The following GRID2 variants were observed in gnomAD, a reference collection of about 807,000 sequenced individuals.
GRID2 encodes the protein glutamate ionotropic receptor delta type subunit 2.
GRID2 carries 33 observed loss-of-function variants against 114.8 expected under a neutral mutation model. The observed-to-expected ratio is 0.29, with a 90% CI of 0.22 to 0.38. The LOEUF is 0.38. GRID2 is among the 10% of genes least tolerant of loss of function. GRID2 has a pLI of 1.00. For synonymous variants in GRID2, 505 were observed against 449.9 expected, an observed-to-expected ratio of 1.12 and a Z score of -1.55; for missense variants, 1,184 against 1,257.7, an observed-to-expected ratio of 0.94 and a Z score of 0.89.
chr4:93,567,647 T>C (rs1239902412), intron 13 of GRID2, among the ~76,000 whole-genome samples: 1 of 152,148 alleles, frequency 6.6e-6, no homozygotes, highest in East Asian at 1.9e-4. Context: ...GGCACAAATT[T>C]AACAGACATA....
chr4:93,172,266 G>A (rs778793894), intron 4 of GRID2, among the ~76,000 whole-genome samples: 4 of 152,130 alleles, frequency 2.6e-5, no homozygotes, highest in Non-Finnish European at 4.4e-5. Context: ...GAAGCTGTCA[G>A]GTTGGGAACA....
intron 2 of GRID2, among the ~76,000 whole-genome samples, chr4:92,977,107 A>T (rs1020656243): frequency 2.0e-5 from 3 of 152,180 alleles, no homozygotes; most frequent in Non-Finnish European, 2.9e-5. Context: ...ATCTATTATT[A>T]CAAGAATCAG....
intron 1 of GRID2, among the ~76,000 whole-genome samples, chr4:92,494,830 G>A (rs933941830): frequency 3.3e-5 from 5 of 151,936 alleles, no homozygotes; most frequent in Non-Finnish European, 7.4e-5. Flanking sequence ...TGGTGCAAAA[G>A]TCATTGTGGT....
In GRID2 at chr4:93,170,723, C is replaced by T. The variant is rs529339612; in HGVS notation, c.736-36681C>T. Among the ~76,000 whole-genome samples the T allele has an allele frequency of 4.6e-5, 7 of 152,240 alleles. 1 individual carries two copies. The East Asian group carries it at 1.2e-3, about 25-fold the overall frequency. On this transcript the variant is annotated intron_variant, in intron 4 of 15. Coordinates refer to ENST00000282020, the MANE Select transcript of GRID2 (RefSeq NM_001510.4). ...GCTTTGGGTAACTGTTTCCAGCATA[C>T]ACTTCTCCTTTGAATTACAGTCTTA...
intron 8 of GRID2, among the ~76,000 whole-genome samples, chr4:93,255,354 G>A (rs181938551): frequency 3.3e-5 from 5 of 151,970 alleles, no homozygotes; most frequent in Admixed American, 2.6e-4. Flanking sequence ...TTCTAGTTAG[G>A]TATCTTTTCC....
intron 1 of GRID2, among the ~76,000 whole-genome samples, chr4:93,797,013 C>A (rs77534195): frequency 0.061 from 9,363 of 152,280 alleles, 301 homozygotes; most frequent in East Asian, 0.095. Context: ...TAGCCTACTA[C>A]ACACCTACGA....
At chr4:93,631,382 C>G (rs1720847344) in intron 14 of GRID2, among the ~76,000 whole-genome samples, 1 of 152,146 alleles carries the variant, frequency 6.6e-6, no homozygotes, top group Admixed American at 6.5e-5. Flanking sequence ...GACCCTAGGA[C>G]AGGACCTGGT....
At chr4:93,747,898 C>T (rs560400316) in intron 14 of GRID2, among the ~76,000 whole-genome samples, 11 of 152,038 alleles carry the variant, frequency 7.2e-5, no homozygotes, top group African/African-American at 2.4e-4. Flanking sequence ...ACATCTTATT[C>T]GTTCTCACAT....
At chr4:92,595,028 G>T (rs1035666114) in intron 2 of GRID2, among the ~76,000 whole-genome samples, 1 of 151,872 alleles carries the variant, frequency 6.6e-6, no homozygotes, top group African/African-American at 2.4e-5. Context: ...ACATGTATTT[G>T]ATGTATTAAG....
At chr4:93,775,233 T>C (rs1734344691), downstream of GRID2, among the ~76,000 whole-genome samples, 1 of 151,744 alleles carries the variant, frequency 6.6e-6, no homozygotes, top group Non-Finnish European at 1.5e-5. Flanking sequence ...AATTTAGAGA[T>C]CTAGACTGTT....
At chr4:93,407,990 T>C (rs992739688) in intron 9 of GRID2, among the ~76,000 whole-genome samples, 2 of 152,108 alleles carry the variant, frequency 1.3e-5, no homozygotes, top group Non-Finnish European at 2.9e-5. Context: ...TACTTTGCAA[T>C]TCAATTAAAA....
chr4:93,430,290 C>T (rs1769282667), intron 10 of GRID2, among the ~76,000 whole-genome samples: 1 of 152,152 alleles, frequency 6.6e-6, no homozygotes, highest in Admixed American at 6.5e-5. Context: ...AAGCGACTCT[C>T]CTGCCTCAGC....
chr4:92,764,457 A>G (rs937393236), intron 2 of GRID2, among the ~76,000 whole-genome samples: 3 of 151,822 alleles, frequency 2.0e-5, no homozygotes, highest in Non-Finnish European at 1.5e-5. Context: ...AGAGTACCCA[A>G]TCCTCTCCCC....
chr4:92,600,165 T>G (rs1264605625), intron 2 of GRID2, among the ~76,000 whole-genome samples: 1 of 148,336 alleles, frequency 6.7e-6, no homozygotes, highest in East Asian at 2.0e-4. Flanking sequence ...AATCTTAGTA[T>G]AGAGAATATT....
intron 10 of GRID2, among the ~76,000 whole-genome samples, chr4:93,423,869 T>G (rs1016276218): frequency 6.6e-6 from 1 of 152,164 alleles, no homozygotes; most frequent in Non-Finnish European, 1.5e-5. Flanking sequence ...GTTTGGTTTA[T>G]ATGTATACCA....
chr4:92,747,236 T>C (rs1293693648), intron 2 of GRID2, among the ~76,000 whole-genome samples: 1 of 152,046 alleles, frequency 6.6e-6, no homozygotes, highest in Non-Finnish European at 1.5e-5. Context: ...AAAAAAGATA[T>C]ATAAATTTGA....
chr4:93,581,080 T>G (rs1311345101), intron 13 of GRID2, among the ~76,000 whole-genome samples: 1 of 151,900 alleles, frequency 6.6e-6, no homozygotes, highest in Non-Finnish European at 1.5e-5. Context: ...TTTCTCCTCA[T>G]GCTATCCCTC....
chr4:92,622,552 G>A (rs1379125386), intron 2 of GRID2, among the ~76,000 whole-genome samples: 2 of 151,636 alleles, frequency 1.3e-5, no homozygotes, highest in African/African-American at 4.8e-5. Context: ...TTCCCCTTGG[G>A]ATTTCCCAAA....
At chr4:92,664,899 T>G (rs1732694429) in intron 2 of GRID2, among the ~76,000 whole-genome samples, 1 of 151,060 alleles carries the variant, frequency 6.6e-6, no homozygotes, top group Non-Finnish European at 1.5e-5. Context: ...AATCTGTCAT[T>G]TTCAACCTAT....
Sources: allele counts gnomAD v4.1 joint callset (sites outside exome capture counted in the v4.1 genomes callset), GRCh38; gene constraint gnomAD v4.1.1; transcripts MANE v1.5; gene names NCBI Gene and HGNC (gene_info 2026-07-23, HGNC 2026-07-21).